The following TM9SF4 variants were observed in gnomAD, a reference collection of about 807,000 sequenced individuals.
TM9SF4 encodes the protein transmembrane 9 superfamily member 4, also known as dinucleotide oxidase disulfide thiol exchanger 3 superfamily member 4.
TM9SF4 carries 26 observed loss-of-function variants against 90.4 expected under a neutral mutation model. The ratio of observed to expected loss-of-function variants is 0.29; its 90% CI spans 0.21 to 0.40. The LOEUF (loss-of-function observed/expected upper bound fraction) is 0.40, where lower values mean the gene tolerates loss of function less well. Ranked by LOEUF, TM9SF4 falls within the 10% of genes least tolerant of loss-of-function variation. The probability of loss-of-function intolerance (pLI) is 1.00; values close to 1 mark genes in which losing one functional copy is unlikely to be tolerated. For synonymous variants in TM9SF4, 293 were observed against 315.4 expected, an observed-to-expected ratio of 0.93 and a Z score of 0.75; for missense variants, 549 against 834.8, an observed-to-expected ratio of 0.66 and a Z score of 4.22.
chr20:32,163,297 G>A (rs6142629), intron 17 of TM9SF4, among the ~76,000 whole-genome samples: 716 of 39,324 alleles, frequency 0.018, 2 homozygotes, highest in East Asian at 0.09. Context: ...ATATATATAT[G>A]TATGTATGTA....
intron 3 of TM9SF4, chr20:32,137,089 C>G (rs1455837504): frequency 4.4e-6 from 2 of 453,972 alleles, no homozygotes; most frequent in African/African-American, 2.0e-5. Context: ...CCAACTGTGC[C>G]GAAGTCTTGC....
intron 1 of TM9SF4, among the ~76,000 whole-genome samples, chr20:32,112,267 T>G (rs1174372634): frequency 1.3e-5 from 2 of 152,034 alleles, no homozygotes; most frequent in Non-Finnish European, 2.9e-5. Flanking sequence ...AAGAAAAAAT[T>G]AGCTGGGCTT....
At chr20:32,160,640 C>T (rs2047001311) in intron 16 of TM9SF4, among the ~76,000 whole-genome samples, 1 of 152,106 alleles carries the variant, frequency 6.6e-6, no homozygotes. Flanking sequence ...TGAGTGGATT[C>T]ATCTATAGCA....
At chr20:32,110,346 C>A (rs1477767279) in intron 1 of TM9SF4, among the ~76,000 whole-genome samples, 1 of 152,138 alleles carries the variant, frequency 6.6e-6, no homozygotes, top group African/African-American at 2.4e-5. Context: ...TCCCTAGAGG[C>A]TTCCCTGCCC....
chr20:32,158,120 G>A (rs2046957883), intron 14 of TM9SF4, 151 bp downstream of exon 14: 1 of 1,153,952 alleles, frequency 8.7e-7, no homozygotes, highest in South Asian at 1.6e-5. Flanking sequence ...AGATCAAGGT[G>A]ACCAGGTTGT....
intron 6 of TM9SF4, 66 bp downstream of exon 6, chr20:32,143,171 T>G: frequency 1.9e-6 from 3 of 1,577,556 alleles, no homozygotes; most frequent in Non-Finnish European, 2.6e-6. Context: ...CGCAGGGTCT[T>G]CGCACTCTTC....
In TM9SF4 at chr20:32,158,497, CTCT is replaced by C; in HGVS notation, c.1558_1560del (p.Phe520del). Reference sequence around the variant, plus strand: ...GCCCTTCGGCGCCATGTTCATCGAGCTCTTCTTCATCTTCAGTGTGAGTACTGG... The same window carrying C: ...GCCCTTCGGCGCCATGTTCATCGAGCTCTTCATCTTCAGTGTGAGTACTGG... On this transcript the variant is annotated inframe_deletion, in exon 15 of 18. Transcript: ENST00000398022. The C allele has an allele frequency of 6.2e-7, 1 of 1,614,178 alleles. No homozygotes were observed. Among genetic ancestry groups the C allele is most frequent in the South Asian group, 1.1e-5 (1 of 91,086 alleles).
intron 1 of TM9SF4, among the ~76,000 whole-genome samples, chr20:32,124,548 C>T (rs993332234): frequency 1.7e-4 from 26 of 151,972 alleles, no homozygotes; most frequent in African/African-American, 6.3e-4. Flanking sequence ...GTTTCCCTCT[C>T]TGACCCCCTG....
intron 17 of TM9SF4, among the ~76,000 whole-genome samples, chr20:32,163,312 TGTA>T: frequency 1.4e-5 from 2 of 138,028 alleles, no homozygotes; most frequent in African/African-American, 5.4e-5. Context: ...TATGTATGTA[TGTA>T]CACATACATA....
intron 1 of TM9SF4, among the ~76,000 whole-genome samples, chr20:32,122,840 C>T (rs942665253): frequency 5.3e-5 from 8 of 151,948 alleles, no homozygotes; most frequent in Middle Eastern, 3.2e-3. Flanking sequence ...GAGGTTGTAG[C>T]GAGCCGAGAT....
At position 32,124,446 on chromosome 20, in the gene TM9SF4, A is replaced by T. The variant is rs563352329; in HGVS notation, c.16-8567A>T. 2.6e-5 allele frequency among the ~76,000 whole-genome samples: 4 copies of T among 152,166 alleles called. No individual in the cohort carries two copies. In the South Asian group the frequency reaches 8.3e-4, roughly 32 times the overall value. On this transcript the variant is annotated intron_variant, in intron 1 of 17. Coordinates refer to ENST00000398022, the MANE Select transcript of TM9SF4 (RefSeq NM_014742.4). ...CCTAAGCATGGTTCCCAGCCTGGTG[A>T]TAGACCTCTGTTCACTTGGCTGTGC...
intron 1 of TM9SF4, among the ~76,000 whole-genome samples, chr20:32,122,924 C>G (rs983026590): frequency 2.0e-5 from 3 of 151,796 alleles, no homozygotes; most frequent in African/African-American, 7.3e-5. Context: ...CCCGGCACCT[C>G]GGGAGGCCGA....
At chr20:32,164,371 G>T (rs1172754984) in intron 17 of TM9SF4, among the ~76,000 whole-genome samples, 1 of 152,170 alleles carries the variant, frequency 6.6e-6, no homozygotes, top group Non-Finnish European at 1.5e-5. Context: ...TATTAGCTGG[G>T]TGTGGTGGCA....
At position 32,166,429 on chromosome 20, in the gene TM9SF4, A is replaced by T. The variant is rs2047099208; in HGVS notation, c.*985A>T. 1 of 152,524 alleles carries T rather than the reference A, an allele frequency of 6.6e-6. No individual in the cohort carries two copies. The highest frequency in any genetic ancestry group is 6.5e-5 in the Admixed American group (1 of 15,292). The allele number at this position is 152,524 out of a possible 1,614,324, so 9.4% of individuals were successfully genotyped here. On this transcript the variant is annotated 3_prime_UTR_variant, in exon 18 of 18. Transcript: ENST00000398022. Reference sequence around the variant, plus strand: ...CTGCCCAACTTCAGGCAGAACAGGGAGGCCCAGAGATTACAGATCCCCTCC... The same window carrying T: ...CTGCCCAACTTCAGGCAGAACAGGGTGGCCCAGAGATTACAGATCCCCTCC...
Position 32,126,238 on chromosome 20 carries a change from T to C in TM9SF4, c.16-6775T>C, listed in dbSNP as rs563046095. ...CATAGGATGGTCCATGAACCAAAAG[T>C]GTCGTCATTACCTAGGAGCTTGTTA... On this transcript the variant is annotated intron_variant, in intron 1 of 17. Coordinates refer to ENST00000398022, the MANE Select transcript of TM9SF4 (RefSeq NM_014742.4). 2.0e-5 allele frequency among the ~76,000 whole-genome samples: 3 copies of C among 152,240 alleles called. No homozygotes were observed. The South Asian group carries it at 6.2e-4, about 32-fold the overall frequency.
chr20:32,157,644 G>T (rs903223543), intron 13 of TM9SF4, 150 bp from the exon 14 acceptor site: 4 of 1,036,262 alleles, frequency 3.9e-6, no homozygotes, highest in Non-Finnish European at 5.5e-6. Context: ...AGAGATTCTG[G>T]CCAGGAGCCC....
chr20:32,150,512 GTCC>G, intron 10 of TM9SF4, 107 bp from the exon 11 acceptor site: 9 of 1,272,448 alleles, frequency 7.1e-6, no homozygotes, highest in Non-Finnish European at 1.0e-5. Context: ...TCTGCCCAGA[GTCC>G]TCCTGTCAGC....
chr20:32,139,738 C>G (rs1252249094), intron 3 of TM9SF4, among the ~76,000 whole-genome samples: 1 of 152,278 alleles, frequency 6.6e-6, no homozygotes, highest in African/African-American at 2.4e-5. Context: ...CCACAGGCCC[C>G]CTGAGTACTG....
intron 1 of TM9SF4, among the ~76,000 whole-genome samples, chr20:32,118,665 T>C (rs1227482110): frequency 1.3e-5 from 2 of 151,930 alleles, no homozygotes; most frequent in Non-Finnish European, 2.9e-5. Context: ...AGACAAGGTC[T>C]CACTCTGTTG....
Sources: allele counts gnomAD v4.1 joint callset (sites outside exome capture counted in the v4.1 genomes callset), GRCh38; gene constraint gnomAD v4.1.1; transcripts MANE v1.5; gene names NCBI Gene and HGNC (gene_info 2026-07-23, HGNC 2026-07-21).